Variants in SNTG1 observed in about 807,000 individuals in gnomAD.
The protein encoded by SNTG1 is syntrophin gamma 1.
In SNTG1, 39 loss-of-function variants were observed where a neutral mutation model predicts 74.7. The ratio of observed to expected loss-of-function variants is 0.52; its 90% CI spans 0.40 to 0.68. The LOEUF is 0.68. SNTG1 is among the 30% of genes least tolerant of loss of function. SNTG1 has a pLI of 0.00. For synonymous variants in SNTG1, 254 were observed against 217.1 expected (o/e 1.17, Z -1.49); for missense variants, 685 against 609.5 (o/e 1.12, Z -1.30).
At chr8:49,943,294 TG>T (rs34816171) in intron 1 of SNTG1, among the ~76,000 whole-genome samples, 76,341 of 152,012 alleles carry the variant, frequency 0.5, 22,292 homozygotes, top group East Asian at 0.82. Flanking sequence ...TTCGATCTAG[TG>T]GAGAAACTGG....
chr8:50,779,708 C>T (rs1251760531), intron 18 of SNTG1, among the ~76,000 whole-genome samples: 4 of 151,668 alleles, frequency 2.6e-5, no homozygotes, highest in South Asian at 4.2e-4. Context: ...CTTCTCCTGC[C>T]TAATTGCCCT....
intron 17 of SNTG1, among the ~76,000 whole-genome samples, chr8:50,726,405 C>G (rs1472587822): frequency 6.6e-6 from 1 of 151,962 alleles, no homozygotes; most frequent in Non-Finnish European, 1.5e-5. Context: ...ATGAACTGGC[C>G]GAAGTTGGGG....
intron 13 of SNTG1, among the ~76,000 whole-genome samples, chr8:50,609,886 T>G (rs2094838147): frequency 6.6e-6 from 1 of 152,150 alleles, no homozygotes; most frequent in Admixed American, 6.6e-5. Flanking sequence ...TGTTGAGTCA[T>G]TGCTATAATA....
intron 12 of SNTG1, among the ~76,000 whole-genome samples, chr8:50,579,094 A>C (rs1406653722): frequency 6.6e-6 from 1 of 152,284 alleles, no homozygotes; most frequent in African/African-American, 2.4e-5. Flanking sequence ...CTTCCTTGAC[A>C]CTTGTTGAAT....
chr8:50,266,563 A>T (rs1586897510), intron 2 of SNTG1, among the ~76,000 whole-genome samples: 1 of 151,358 alleles, frequency 6.6e-6, no homozygotes, highest in Non-Finnish European at 1.5e-5. Flanking sequence ...AATACATGTG[A>T]TGAATAAATA....
intron 1 of SNTG1, among the ~76,000 whole-genome samples, chr8:49,952,089 C>T (rs1248828125): frequency 2.0e-5 from 3 of 152,030 alleles, no homozygotes; most frequent in African/African-American, 7.2e-5. Context: ...TATTTTAGAT[C>T]TAAATGTTTT....
intron 1 of SNTG1, among the ~76,000 whole-genome samples, chr8:50,071,827 A>AC (rs386412717): frequency 6.6e-6 from 1 of 151,798 alleles, no homozygotes; most frequent in Non-Finnish European, 1.5e-5. Context: ...AAAAAAAAAA[A>AC]ACCTAAGATT....
At chr8:50,308,802 A>G (rs551716275) in intron 2 of SNTG1, among the ~76,000 whole-genome samples, 7 of 152,246 alleles carry the variant, frequency 4.6e-5, no homozygotes, top group Admixed American at 1.3e-4. Context: ...TCTTAAAGTC[A>G]GAAACGCTAT....
Position 50,515,079 on chromosome 8 carries a change from T to C in SNTG1, c.466+12199T>C, listed in dbSNP as rs1002360764. ...CATTTGAATGAAATATTTTTCTCTA[T>C]CATTTCATTTTCAGCCTGTGCTCAT... On this transcript the variant is annotated intron_variant, in intron 9 of 18. Coordinates refer to ENST00000642720, the MANE Select transcript of SNTG1 (RefSeq NM_018967.5). Among the ~76,000 whole-genome samples the C allele has an allele frequency of 4.6e-5, 7 of 152,192 alleles. No homozygotes were observed. The East Asian group carries it at 5.8e-4, about 13-fold the overall frequency.
intron 10 of SNTG1, among the ~76,000 whole-genome samples, 156 bp from the exon 11 acceptor site, chr8:50,536,522 T>C (rs898063821): frequency 6.6e-5 from 10 of 152,242 alleles, no homozygotes; most frequent in Non-Finnish European, 4.4e-5. Context: ...AATACAACTT[T>C]AGTGTCCATA....
intron 2 of SNTG1, among the ~76,000 whole-genome samples, chr8:50,324,642 T>A (rs1323384768): frequency 6.6e-6 from 1 of 152,134 alleles, no homozygotes; most frequent in African/African-American, 2.4e-5. Context: ...AACATTCCCT[T>A]GTAGGATATG....
At chr8:49,918,898 A>G (rs1806281556) in intron 1 of SNTG1, among the ~76,000 whole-genome samples, 1 of 152,180 alleles carries the variant, frequency 6.6e-6, no homozygotes, top group African/African-American at 2.4e-5. Flanking sequence ...CAAATAAGCA[A>G]CTAAATAAAA....
intron 1 of SNTG1, among the ~76,000 whole-genome samples, chr8:50,149,173 G>A (rs1172829934): frequency 6.6e-6 from 1 of 152,162 alleles, no homozygotes; most frequent in Non-Finnish European, 1.5e-5. Context: ...GTGTCTGTTG[G>A]CTGCATAAAT....
At chr8:50,276,665 A>G (rs1236628340) in intron 2 of SNTG1, among the ~76,000 whole-genome samples, 1 of 152,058 alleles carries the variant, frequency 6.6e-6, no homozygotes, top group African/African-American at 2.4e-5. Context: ...TGGTGTATTC[A>G]TCTGCCTCTC....
intron 2 of SNTG1, among the ~76,000 whole-genome samples, chr8:50,302,607 G>A (rs530227274): frequency 6.6e-6 from 1 of 152,040 alleles, no homozygotes; most frequent in African/African-American, 2.4e-5. Flanking sequence ...AATTTAAAAA[G>A]GAATGAATTA....
At chr8:50,534,757 AGAGT>A (rs1167469257) in intron 10 of SNTG1, among the ~76,000 whole-genome samples, 1 of 152,162 alleles carries the variant, frequency 6.6e-6, no homozygotes, top group Non-Finnish European at 1.5e-5. Context: ...TCTAAGTGAT[AGAGT>A]GAGACCCTGT....
intron 2 of SNTG1, among the ~76,000 whole-genome samples, chr8:50,271,262 GAAT>G (rs1464561158): frequency 6.6e-6 from 1 of 152,106 alleles, no homozygotes; most frequent in Non-Finnish European, 1.5e-5. Context: ...TTTCGTGTAA[GAAT>G]AATGATAGTG....
intron 1 of SNTG1, among the ~76,000 whole-genome samples, chr8:50,001,751 G>A (rs1221046591): frequency 6.6e-6 from 1 of 152,166 alleles, no homozygotes; most frequent in East Asian, 1.9e-4. Flanking sequence ...GCTAAAGTGT[G>A]CCATGTCATA....
intron 2 of SNTG1, among the ~76,000 whole-genome samples, chr8:50,275,335 T>C (rs10105988): frequency 0.023 from 3,433 of 152,312 alleles, 136 homozygotes; most frequent in African/African-American, 0.078. Flanking sequence ...TTGTTTTTAT[T>C]TGTTATATTT....
Sources: gnomAD v4.1 joint callset for allele counts (sites outside exome capture counted in the v4.1 genomes callset) on GRCh38, gnomAD v4.1.1 for gene constraint, MANE v1.5 for transcripts, NCBI Gene and HGNC (gene_info 2026-07-23, HGNC 2026-07-21) for gene names.